ARSJ: variants seen among roughly 807,000 people sequenced by gnomAD.
The protein encoded by ARSJ is arylsulfatase J.
A neutral mutation model predicts 35.9 loss-of-function variants in ARSJ; 26 were observed. That is an observed-to-expected ratio of 0.72 (90% CI 0.53 to 1.00). ARSJ has a LOEUF of 1.00. Ranked by LOEUF, ARSJ falls within the 50% of genes least tolerant of loss-of-function variation. The pLI, the probability that ARSJ is intolerant of heterozygous loss-of-function variation, is 0.00. For synonymous variants in ARSJ, 294 were observed against 267.6 expected, an observed-to-expected ratio of 1.10 and a Z score of -0.96; for missense variants, 667 against 723.6, an observed-to-expected ratio of 0.92 and a Z score of 0.90.
chr4:113,936,228 G>A (rs1724758050), intron 1 of ARSJ, among the ~76,000 whole-genome samples: 1 of 151,888 alleles, frequency 6.6e-6, no homozygotes, highest in South Asian at 2.1e-4. Flanking sequence ...GCAGAGTGGA[G>A]AAGACAGTAA....
At chr4:113,948,708 A>T (rs1442305236) in intron 1 of ARSJ, among the ~76,000 whole-genome samples, 1 of 152,120 alleles carries the variant, frequency 6.6e-6, no homozygotes, top group East Asian at 1.9e-4. Flanking sequence ...CATATTGGAA[A>T]ACCTAACAAT....
intron 1 of ARSJ, among the ~76,000 whole-genome samples, chr4:113,905,704 A>T (rs1025879477): frequency 9.1e-6 from 1 of 109,608 alleles, no homozygotes; most frequent in African/African-American, 3.6e-5. Context: ...GTCTCGCTCT[A>T]TCACCCAGGC....
intron 1 of ARSJ, among the ~76,000 whole-genome samples, chr4:113,969,567 T>C (rs1727112220): frequency 6.6e-6 from 1 of 152,210 alleles, no homozygotes; most frequent in African/African-American, 2.4e-5. Context: ...GTTATGTCAA[T>C]TGATGAGTAG....
chr4:113,941,064 T>C (rs1184993624), intron 1 of ARSJ, among the ~76,000 whole-genome samples: 2 of 151,984 alleles, frequency 1.3e-5, no homozygotes, highest in African/African-American at 4.8e-5. Context: ...TTCTATTTGG[T>C]TCTATAGCTA....
chr4:113,969,476 C>T (rs12510028), intron 1 of ARSJ, among the ~76,000 whole-genome samples: 146,413 of 152,288 alleles, frequency 0.96, 70,640 homozygotes, highest in East Asian at 1. Flanking sequence ...ATTAATATTG[C>T]GAAGACATAA....
rs77948545 is a variant in ARSJ at position 113,901,815 on chromosome 4, A to G, written c.*459T>C. ...TCTTCAAGGCCTTTGAGGTGACACAATCTTTGACTGTAATTTATCAAAGGT... is the reference window on the plus strand; with the variant it reads ...TCTTCAAGGCCTTTGAGGTGACACAGTCTTTGACTGTAATTTATCAAAGGT... On this transcript the variant is annotated 3_prime_UTR_variant, in exon 2 of 2. Coordinates refer to ENST00000315366, the MANE Select transcript of ARSJ (RefSeq NM_024590.4). 8.7e-3 allele frequency: 1,706 copies of G among 195,210 alleles called. 21 individuals are homozygous for G. Among genetic ancestry groups the G allele is most frequent in the Non-Finnish European group, 0.013 (1,234 of 94,302 alleles). 12.1% of individuals were successfully genotyped at this position (195,210 alleles called of 1,614,324 possible).
At position 113,903,613 on chromosome 4, in the gene ARSJ, G is replaced by A. The variant is rs2099667827; in HGVS notation, c.461C>T (p.Pro154Leu). The A allele has an allele frequency of 1.9e-6, 3 of 1,614,012 alleles. No homozygotes were observed. Among genetic ancestry groups the A allele is most frequent in the African/African-American group, 1.3e-5 (1 of 74,916 alleles). The change falls in exon 2 of 2, where the codon CCT (proline) becomes CTT (leucine). Residue 154 changes from proline (P) to leucine (L), a missense_variant. Coordinates refer to ENST00000315366, the MANE Select transcript of ARSJ (RefSeq NM_024590.4). ...CTGAGGTAGGGTGGCATTGTCCAGA[G>A]GTAAACAGTTGGGTTGGGTAGGTCT... is the stretch of plus-strand genomic sequence containing the variant. ...IIRPTQPNCLPLDNATLPQKL... is the reference protein window; with the variant it reads ...IIRPTQPNCLLLDNATLPQKL...
chr4:113,958,329 G>A (rs990084746), intron 1 of ARSJ, among the ~76,000 whole-genome samples: 3 of 152,010 alleles, frequency 2.0e-5, no homozygotes, highest in Admixed American at 1.3e-4. Context: ...TCGAATTAAG[G>A]ACAGAGGTAT....
In ARSJ at chr4:113,903,386, A is replaced by T; in HGVS notation, c.688T>A (p.Trp230Arg). The change falls in exon 2 of 2, where the codon TGG (tryptophan) becomes AGG (arginine). Residue 230 changes from tryptophan to arginine, a missense_variant. Coordinates refer to ENST00000315366, the MANE Select transcript of ARSJ (RefSeq NM_024590.4). ...GAGTATATGCCATTGTCATAGTCCC[A>T]GGCAGCATTGTCGTTTTCATACAAG... ...YDLYENDNAA[W>R]DYDNGIYSTQ... The T allele has an allele frequency of 6.2e-7, 1 of 1,614,210 alleles. No individual in the cohort carries two copies.
Position 113,961,756 on chromosome 4 carries a change from G to A in ARSJ, c.398+16681C>T, listed in dbSNP as rs576902469. 4.6e-5 allele frequency among the ~76,000 whole-genome samples: 7 copies of A among 152,176 alleles called. No individual in the cohort carries two copies. The East Asian group carries it at 1.2e-3, about 25-fold the overall frequency. On this transcript the variant is annotated intron_variant, in intron 1 of 1. Coordinates refer to ENST00000315366, the MANE Select transcript of ARSJ (RefSeq NM_024590.4). ...TCAAGTTTTAACAAAAATCTTGCCA[G>A]ATGTAAATCCTTAAAAATTATAATT...
At chr4:113,955,421 C>T (rs1442032751) in intron 1 of ARSJ, among the ~76,000 whole-genome samples, 1 of 150,818 alleles carries the variant, frequency 6.6e-6, no homozygotes, top group African/African-American at 2.4e-5. Flanking sequence ...ACTGTATAAC[C>T]AATCAGGATA....
At chr4:113,977,517 A>G (rs1380842359) in intron 1 of ARSJ, among the ~76,000 whole-genome samples, 1 of 152,216 alleles carries the variant, frequency 6.6e-6, no homozygotes, top group Non-Finnish European at 1.5e-5. Flanking sequence ...CACAAGACAT[A>G]GATTGAAATG....
Position 113,903,188 on chromosome 4 carries a change from T to C in ARSJ, c.886A>G (p.Met296Val), listed in dbSNP as rs2099667681. 6.2e-7 allele frequency: 1 copy of C among 1,614,212 alleles called. No homozygotes were observed. The highest frequency in any genetic ancestry group is 8.5e-7 in the Non-Finnish European group (1 of 1,180,024). The change falls in exon 2 of 2, where the codon ATG becomes GTG. Residue 296 changes from methionine to valine, a missense_variant. Transcript: ENST00000315366. ...ININRRRYAA[M>V]LSCLDEAINN... ...ATTGCTTCATCTAAGCAGGAAAGCA[T>C]GGCAGCATATCTCCTCCTGTTTATG...
At chr4:113,935,234 T>C (rs922880569) in intron 1 of ARSJ, among the ~76,000 whole-genome samples, 1 of 151,920 alleles carries the variant, frequency 6.6e-6, no homozygotes. Context: ...TATATCCTCA[T>C]GATAATTTGC....
intron 1 of ARSJ, among the ~76,000 whole-genome samples, chr4:113,909,395 G>C (rs931310310): frequency 6.6e-6 from 1 of 152,150 alleles, no homozygotes; most frequent in African/African-American, 2.4e-5. Context: ...AATTGGAAAC[G>C]AAGTGCTAGA....
At chr4:113,968,953 A>G (rs1727064564) in intron 1 of ARSJ, among the ~76,000 whole-genome samples, 2 of 152,284 alleles carry the variant, frequency 1.3e-5, no homozygotes, top group Non-Finnish European at 1.5e-5. Context: ...ATTAATTCAA[A>G]ACTATTATGT....
chr4:113,910,393 T>C (rs1284335574), intron 1 of ARSJ, among the ~76,000 whole-genome samples: 2 of 152,186 alleles, frequency 1.3e-5, no homozygotes, highest in African/African-American at 4.8e-5. Flanking sequence ...ATACTAATAC[T>C]TTTATGCAGA....
chr4:113,947,219 A>G (rs992788265), intron 1 of ARSJ, among the ~76,000 whole-genome samples: 1 of 152,036 alleles, frequency 6.6e-6, no homozygotes, highest in African/African-American at 2.4e-5. Context: ...GGTGGCTGAG[A>G]CCTGTAATCC....
At position 113,933,656 on chromosome 4, in the gene ARSJ, C is replaced by T. The variant is rs142457772; in HGVS notation, c.399-29981G>A. 9.0e-4 allele frequency among the ~76,000 whole-genome samples: 137 copies of T among 151,642 alleles called. 1 individual carries two copies. In the Middle Eastern group the frequency reaches 0.017, roughly 19 times the overall value. ...CCCATATGACAATTTTAATAGATGC[C>T]GAAAAAGCTTCCGATAAAATTCAAC... is the stretch of plus-strand genomic sequence containing the variant. On this transcript the variant is annotated intron_variant, in intron 1 of 1. Coordinates refer to ENST00000315366, the MANE Select transcript of ARSJ (RefSeq NM_024590.4).
Sources: gnomAD v4.1 joint callset for allele counts (sites outside exome capture counted in the v4.1 genomes callset) on GRCh38, gnomAD v4.1.1 for gene constraint, MANE v1.5 for transcripts, NCBI Gene and HGNC (gene_info 2026-07-23, HGNC 2026-07-21) for gene names.